Variants in PAPPA observed in about 807,000 individuals in gnomAD.
PAPPA encodes pappalysin 1, also known as pappalysin-1.
In PAPPA, 60 loss-of-function variants were observed where a neutral mutation model predicts 164.0. That is an observed-to-expected ratio of 0.37 (90% CI 0.30 to 0.45). The LOEUF (loss-of-function observed/expected upper bound fraction) is 0.45. PAPPA is among the 20% of genes least tolerant of loss of function. PAPPA has a pLI of 1.00. For synonymous variants in PAPPA, 875 were observed against 814.1 expected, an observed-to-expected ratio of 1.07 and a Z score of -1.27; for missense variants, 1,782 against 2,087.3, an observed-to-expected ratio of 0.85 and a Z score of 2.85.
At chr9:116,368,313 C>A (rs544579437) in intron 19 of PAPPA, among the ~76,000 whole-genome samples, 1 of 152,238 alleles carries the variant, frequency 6.6e-6, no homozygotes, top group South Asian at 2.1e-4. Context: ...CGGTGCTTAG[C>A]ACGAAGACTC....
intron 9 of PAPPA, among the ~76,000 whole-genome samples, chr9:116,293,507 C>A (rs1293127758): frequency 6.6e-6 from 1 of 152,180 alleles, no homozygotes; most frequent in Non-Finnish European, 1.5e-5. Context: ...GAAGTAAGGG[C>A]AGATGCTCTG....
Position 116,271,770 on chromosome 9 carries a change from A to G in PAPPA, c.2953+354A>G, listed in dbSNP as rs1845140669. On this transcript the variant is annotated intron_variant, in intron 9 of 21. Coordinates refer to ENST00000328252, the MANE Select transcript of PAPPA (RefSeq NM_002581.5). This position sits in a 1 kb window ranked among gnomAD's most constrained non-coding sequence, Gnocchi z 4.2. ...GTTTTAAGGCTTTTATTCCTACTTC[A>G]GAGATAAGAAAAAATCAAACGCCAG... Among the ~76,000 whole-genome samples the G allele has an allele frequency of 6.6e-6, 1 of 152,202 alleles. No individual in the cohort carries two copies. The highest frequency in any genetic ancestry group is 6.5e-5 in the Admixed American group (1 of 15,282).
At chr9:116,156,550 T>C (rs747993676) in intron 1 of PAPPA, among the ~76,000 whole-genome samples, 1 of 151,918 alleles carries the variant, frequency 6.6e-6, no homozygotes, top group Non-Finnish European at 1.5e-5. Context: ...GTCCATTTTA[T>C]GTGTAGAAAT....
In PAPPA at chr9:116,401,698, T is replaced by C. The variant is rs1847058470; in HGVS notation, c.*5082T>C. ...TCTTCCATATTTATGTACCATATTA[T>C]ACCTTTTTATTATTGTTATAATTAT... On this transcript the variant is annotated 3_prime_UTR_variant, in exon 22 of 22. Transcript: ENST00000328252. The C allele has an allele frequency of 6.6e-6, 1 of 151,700 alleles. No individual in the cohort carries two copies. Among genetic ancestry groups the C allele is most frequent in the Non-Finnish European group, 1.5e-5 (1 of 67,860 alleles). 9.4% of individuals were successfully genotyped at this position (151,700 alleles called of 1,614,324 possible).
chr9:116,398,312 A>T lies in PAPPA; in HGVS notation c.*1696A>T, dbSNP rs1846993859. On this transcript the variant is annotated 3_prime_UTR_variant, in exon 22 of 22. Coordinates refer to ENST00000328252, the MANE Select transcript of PAPPA (RefSeq NM_002581.5). ...GGGAATTGCGGAGAAGGGAAGGTCT[A>T]GACTAGTTACATCACATAGGGATTA... 1 of 288,094 alleles carries T rather than the reference A, an allele frequency of 3.5e-6. No homozygotes were observed. The highest frequency in any genetic ancestry group is 6.8e-6 in the Non-Finnish European group (1 of 147,808). 17.8% of individuals were successfully genotyped at this position (288,094 alleles called of 1,614,324 possible). A position where few individuals can be genotyped will look rare whatever the true frequency, so the allele number is the denominator to read the frequency against.
chr9:116,271,460 G>T lies in PAPPA; in HGVS notation c.2953+44G>T, dbSNP rs759748034. 1 of 1,316,188 alleles carries T rather than the reference G, an allele frequency of 7.6e-7. No individual in the cohort carries two copies. The highest frequency in any genetic ancestry group is 1.7e-5 in the Admixed American group (1 of 59,500). 81.5% of individuals were successfully genotyped at this position (1,316,188 alleles called of 1,614,324 possible). ...TTGTGGCCTTCATGAAGAAATGAAC[G>T]GTGCAGAATGGTTGGTCAATGATAA... On this transcript the variant is annotated intron_variant, in intron 9 of 21. Transcript: ENST00000328252. The surrounding 1 kb of genome is among the most constrained non-coding windows in gnomAD (Gnocchi z 4.2).
At chr9:116,157,701 G>A (rs1215367202) in intron 1 of PAPPA, among the ~76,000 whole-genome samples, 1 of 152,108 alleles carries the variant, frequency 6.6e-6, no homozygotes, top group East Asian at 1.9e-4. Flanking sequence ...ACCGCTGAGA[G>A]AATGTGTCTC....
intron 8 of PAPPA, among the ~76,000 whole-genome samples, chr9:116,270,544 T>C (rs1477222272): frequency 1.3e-5 from 2 of 152,242 alleles, no homozygotes; most frequent in Non-Finnish European, 2.9e-5. Flanking sequence ...CCAAGTGTTT[T>C]GTTTTTTAAA....
At chr9:116,257,792 G>C (rs546896537) in intron 7 of PAPPA, among the ~76,000 whole-genome samples, 72 of 151,872 alleles carry the variant, frequency 4.7e-4, no homozygotes, top group Non-Finnish European at 9.0e-4. Flanking sequence ...AAATTACTAA[G>C]AATCAACAAT....
At chr9:116,167,768 C>G (rs1843733242) in intron 1 of PAPPA, among the ~76,000 whole-genome samples, 1 of 152,106 alleles carries the variant, frequency 6.6e-6, no homozygotes, top group South Asian at 2.1e-4. Flanking sequence ...CAGGATGACC[C>G]CTTTACAGAA....
intron 10 of PAPPA, among the ~76,000 whole-genome samples, chr9:116,307,963 T>C (rs1262838102): frequency 6.6e-6 from 1 of 152,132 alleles, no homozygotes; most frequent in East Asian, 1.9e-4. Flanking sequence ...GTTTGTTAAC[T>C]TGATGGGTAG....
chr9:116,356,587 T>C (rs1029737134), intron 17 of PAPPA, among the ~76,000 whole-genome samples: 2 of 152,262 alleles, frequency 1.3e-5, no homozygotes, highest in African/African-American at 4.8e-5. Context: ...TAGCCAGTTT[T>C]CCCAGCACCA....
intron 17 of PAPPA, among the ~76,000 whole-genome samples, chr9:116,357,969 G>A (rs747213708): frequency 3.9e-5 from 6 of 152,172 alleles, no homozygotes; most frequent in Non-Finnish European, 8.8e-5. Flanking sequence ...TCTGCCATAA[G>A]GGGTGTAGAG....
Position 116,398,479 on chromosome 9 carries a change from T to TAAAAAA in PAPPA, c.*1875_*1880dup. ...GGTGTTGTTAATCTATCATAGCACTTAAAAAAAAAAAAAAAAAGAGACCAA... is the reference window on the plus strand; with the variant it reads ...GGTGTTGTTAATCTATCATAGCACTTAAAAAAAAAAAAAAAAAAAAAAAGAGACCAA... On this transcript the variant is annotated 3_prime_UTR_variant, in exon 22 of 22. Transcript: ENST00000328252. 3 of 702,174 alleles carry TAAAAAA rather than the reference T, an allele frequency of 4.3e-6. No homozygotes were observed. Among genetic ancestry groups the TAAAAAA allele is most frequent in the South Asian group, 2.0e-5 (1 of 48,958 alleles). 43.5% of individuals were successfully genotyped at this position (702,174 alleles called of 1,614,324 possible).
chr9:116,341,833 T>G (rs1846142120), intron 13 of PAPPA, among the ~76,000 whole-genome samples: 1 of 152,198 alleles, frequency 6.6e-6, no homozygotes, highest in Admixed American at 6.5e-5. Flanking sequence ...TACTTCCACT[T>G]TACAGATAAA....
intron 10 of PAPPA, among the ~76,000 whole-genome samples, chr9:116,307,723 T>TGAGAGA (rs145791298): frequency 6.7e-5 from 10 of 149,836 alleles, no homozygotes; most frequent in Admixed American, 3.3e-4. Context: ...CTGAGGAATG[T>TGAGAGA]GAGAGAGAGA....
chr9:116,320,975 G>A (rs547745474), intron 10 of PAPPA, among the ~76,000 whole-genome samples: 1 of 151,788 alleles, frequency 6.6e-6, no homozygotes, highest in Admixed American at 6.6e-5. Flanking sequence ...AGTTGTGTTT[G>A]TTCATTATAT....
chr9:116,278,402 T>C (rs1845227102), intron 9 of PAPPA, among the ~76,000 whole-genome samples: 1 of 152,220 alleles, frequency 6.6e-6, no homozygotes, highest in African/African-American at 2.4e-5. Context: ...CCAGACTAAC[T>C]CTTGAAATAG....
intron 1 of PAPPA, among the ~76,000 whole-genome samples, chr9:116,184,164 T>G (rs1030835775): frequency 6.6e-6 from 1 of 152,228 alleles, no homozygotes; most frequent in Non-Finnish European, 1.5e-5. Flanking sequence ...GGGAAGGACA[T>G]GAATGTCATG....
Sources: allele counts gnomAD v4.1 joint callset (sites outside exome capture counted in the v4.1 genomes callset), GRCh38; gene constraint gnomAD v4.1.1; non-coding constraint Gnocchi (gnomAD v3.1); transcripts MANE v1.5; gene names NCBI Gene and HGNC (gene_info 2026-07-23, HGNC 2026-07-21).